Variants in PPP1R3B observed in about 807,000 individuals in gnomAD.
The protein encoded by PPP1R3B is protein phosphatase 1 regulatory subunit 3B, also known as PP1 subunit R4.
PPP1R3B carries 8 observed loss-of-function variants against 14.6 expected under a neutral mutation model. The observed-to-expected ratio is 0.55, with a 90% CI of 0.32 to 0.99. The LOEUF (loss-of-function observed/expected upper bound fraction) is 0.99, where lower values mean the gene tolerates loss of function less well. Ranked by LOEUF, PPP1R3B falls within the 50% of genes least tolerant of loss-of-function variation. The pLI is 0.04. For synonymous variants in PPP1R3B, 169 were observed against 142.0 expected (o/e 1.19, Z -1.35); for missense variants, 452 against 360.1 (o/e 1.26, Z -2.07).
At chr8:9,148,834 C>A (rs780558134) in intron 1 of PPP1R3B, among the ~76,000 whole-genome samples, 1 of 152,142 alleles carries the variant, frequency 6.6e-6, no homozygotes, top group Non-Finnish European at 1.5e-5. Flanking sequence ...TTTTTTGTAT[C>A]AGGGCCACGA....
In PPP1R3B at chr8:9,141,173, A is replaced by C. The variant is rs1563125089; in HGVS notation, c.479T>G (p.Val160Gly). 1 of 1,614,002 alleles carries C rather than the reference A, an allele frequency of 6.2e-7. No homozygotes were observed. Among genetic ancestry groups the C allele is most frequent in the East Asian group, 2.2e-5 (1 of 44,860 alleles). The change falls in exon 2 of 2, where the codon GTG (valine) becomes GGG (glycine). Residue 160 changes from valine (V) to glycine (G), a missense_variant. Physicochemically the swap from Val to Gly is moderately radical, Grantham distance 109. Coordinates refer to ENST00000310455, the MANE Select transcript of PPP1R3B (RefSeq NM_024607.4). Reference sequence around the variant, plus strand: ...GGTGTCGAACGTCATCCTTATTTTCACGGTCTTCTCAAATGCGAGGTTCTG... The same window carrying C: ...GGTGTCGAACGTCATCCTTATTTTCCCGGTCTTCTCAAATGCGAGGTTCTG... ...KVQNLAFEKT[V>G]KIRMTFDTWK...
intron 1 of PPP1R3B, among the ~76,000 whole-genome samples, chr8:9,149,487 G>C (rs1209796237): frequency 6.6e-6 from 1 of 152,196 alleles, no homozygotes; most frequent in African/African-American, 2.4e-5. Flanking sequence ...CTGGGCGACA[G>C]AGCGACACTC....
chr8:9,140,691 G>A lies in PPP1R3B; in HGVS notation c.*103C>T. 1 of 1,250,996 alleles carries A rather than the reference G, an allele frequency of 8.0e-7. No homozygotes were observed. Among genetic ancestry groups the A allele is most frequent in the South Asian group, 1.4e-5 (1 of 69,418 alleles). The allele number at this position is 1,250,996 out of a possible 1,614,324, so 77.5% of individuals were successfully genotyped here. A position where few individuals can be genotyped will look rare whatever the true frequency, so the allele number is the denominator to read the frequency against. ...TTTATTTTCCCAAACGGGGCCTCAT[G>A]GAAGTTCCACGTTGCTCCTCCCTGG... is the stretch of plus-strand genomic sequence containing the variant. On this transcript the variant is annotated 3_prime_UTR_variant, in exon 2 of 2. Coordinates refer to ENST00000310455, the MANE Select transcript of PPP1R3B (RefSeq NM_024607.4).
chr8:9,142,399 T>C (rs1801117447), intron 1 of PPP1R3B: 1 of 152,180 alleles, frequency 6.6e-6, no homozygotes, highest in Non-Finnish European at 1.5e-5. Flanking sequence ...CCTCTCTTTA[T>C]TAATTGAGAA....
At chr8:9,143,738 C>T (rs1418711697) in intron 1 of PPP1R3B, among the ~76,000 whole-genome samples, 3 of 152,102 alleles carry the variant, frequency 2.0e-5, no homozygotes, top group East Asian at 1.9e-4. Flanking sequence ...CCAGCAATTT[C>T]GTATTCTTAA....
intron 1 of PPP1R3B, among the ~76,000 whole-genome samples, chr8:9,144,344 T>C (rs1307579650): frequency 6.6e-6 from 1 of 151,574 alleles, no homozygotes; most frequent in Non-Finnish European, 1.5e-5. Flanking sequence ...TGAGCCACCA[T>C]GTCCGGCTAA....
At chr8:9,150,405 T>C (rs1801386240) in intron 1 of PPP1R3B, among the ~76,000 whole-genome samples, 158 bp downstream of exon 1, 1 of 152,198 alleles carries the variant, frequency 6.6e-6, no homozygotes, top group African/African-American at 2.4e-5. Flanking sequence ...ACACCCCTTT[T>C]TCTGGATTCC....
intron 1 of PPP1R3B, among the ~76,000 whole-genome samples, chr8:9,146,754 A>G (rs1033495427): frequency 2.1e-4 from 32 of 152,088 alleles, no homozygotes; most frequent in Non-Finnish European, 5.9e-5. Context: ...GCTTTCAATG[A>G]TCTGTTCTTA....
At chr8:9,149,162 C>G (rs1386146358) in intron 1 of PPP1R3B, among the ~76,000 whole-genome samples, 2 of 132,132 alleles carry the variant, frequency 1.5e-5, no homozygotes, top group Non-Finnish European at 1.6e-5. Context: ...CACTGCAGTC[C>G]AGCCTGGGCG....
rs906763115 is a variant in PPP1R3B, at chr8:9,143,634, G to A, written c.-17-1966C>T. Among the ~76,000 whole-genome samples the A allele has an allele frequency of 2.0e-5, 3 of 152,076 alleles. 1 individual carries two copies. The highest frequency in any genetic ancestry group is 4.1e-4 in the South Asian group (2 of 4,828). On this transcript the variant is annotated intron_variant, in intron 1 of 1. Coordinates refer to ENST00000310455, the MANE Select transcript of PPP1R3B (RefSeq NM_024607.4). ...GCAGAATTGCTTGAACCTGGGAGGC[G>A]GAGGTTGCAGTGTGCAGAGATCACA... is the stretch of plus-strand genomic sequence containing the variant.
At chr8:9,146,753 G>A (rs1002005998) in intron 1 of PPP1R3B, among the ~76,000 whole-genome samples, 32 of 152,008 alleles carry the variant, frequency 2.1e-4, no homozygotes, top group Non-Finnish European at 5.9e-5. Flanking sequence ...TGCTTTCAAT[G>A]ATCTGTTCTT....
At chr8:9,142,142 G>C (rs1229225232) in intron 1 of PPP1R3B, 1 of 161,334 alleles carries the variant, frequency 6.2e-6, no homozygotes, top group East Asian at 1.7e-4. Flanking sequence ...CTGTGCCCAG[G>C]CTGGAGCGCA....
chr8:9,144,983 T>C (rs926487485), intron 1 of PPP1R3B, among the ~76,000 whole-genome samples: 4 of 152,168 alleles, frequency 2.6e-5, no homozygotes, highest in African/African-American at 9.6e-5. Flanking sequence ...TGACCTCAGG[T>C]GATCCACCCG....
intron 1 of PPP1R3B, among the ~76,000 whole-genome samples, chr8:9,149,010 ACC>A (rs1321215217): frequency 1.4e-5 from 2 of 145,768 alleles, no homozygotes; most frequent in Non-Finnish European, 3.0e-5. Context: ...ACACGGTGAA[ACC>A]CCGTCTCTAC....
rs1322678767 is a variant in PPP1R3B at position 9,140,742 on chromosome 8, CAG to C, written c.*50_*51del. 2.5e-6 allele frequency: 4 copies of C among 1,585,840 alleles called. No individual in the cohort carries two copies. In the East Asian group the frequency reaches 9.0e-5, roughly 36 times the overall value. On this transcript the variant is annotated 3_prime_UTR_variant, in exon 2 of 2. Transcript: ENST00000310455. The stretch of plus-strand genomic sequence containing the variant: ...CCTTCCATCTCCACTGCACAGTGAG[CAG>C]AGCTAGGCTTGTCTGTGGCAGCTCC...
At chr8:9,142,018 C>CATAT (rs1177792478) in intron 1 of PPP1R3B, among the ~76,000 whole-genome samples, 1 of 152,138 alleles carries the variant, frequency 6.6e-6, no homozygotes, top group Non-Finnish European at 1.5e-5. Context: ...ATCAAAAGGG[C>CATAT]ATATATACTG....
intron 1 of PPP1R3B, among the ~76,000 whole-genome samples, chr8:9,145,702 C>T (rs1801221507): frequency 6.6e-6 from 1 of 152,104 alleles, no homozygotes; most frequent in South Asian, 2.1e-4. Context: ...TATTTAAAAT[C>T]AGAATACCTA....
chr8:9,140,683 G>C lies in PPP1R3B; in HGVS notation c.*111C>G. On this transcript the variant is annotated 3_prime_UTR_variant, in exon 2 of 2. Coordinates refer to ENST00000310455, the MANE Select transcript of PPP1R3B (RefSeq NM_024607.4). ...AGGATCCTTTTATTTTCCCAAACGG[G>C]GCCTCATGGAAGTTCCACGTTGCTC... The C allele has an allele frequency of 8.9e-7, 1 of 1,118,734 alleles. No homozygotes were observed. The highest frequency in any genetic ancestry group is 1.5e-5 in the South Asian group (1 of 65,308). 69.3% of individuals were successfully genotyped at this position (1,118,734 alleles called of 1,614,324 possible).
chr8:9,138,697 C>T lies in PPP1R3B; in HGVS notation c.*2097G>A, dbSNP rs1210123116. 3 of 152,182 alleles carry T rather than the reference C, an allele frequency of 2.0e-5. No individual in the cohort carries two copies. The highest frequency in any genetic ancestry group is 7.2e-5 in the African/African-American group (3 of 41,426). The allele number at this position is 152,182 out of a possible 1,614,324, so 9.4% of individuals were successfully genotyped here. A position where few individuals can be genotyped will look rare whatever the true frequency, so the allele number is the denominator to read the frequency against. On this transcript the variant is annotated 3_prime_UTR_variant, in exon 2 of 2. Coordinates refer to ENST00000310455, the MANE Select transcript of PPP1R3B (RefSeq NM_024607.4). ...AATCCAGGCAACTGTGCTTCCACTC[C>T]TCTTCTTGCTTGCCTTAGGAAAACT...
Sources: allele counts gnomAD v4.1 joint callset (sites outside exome capture counted in the v4.1 genomes callset), GRCh38; gene constraint gnomAD v4.1.1; transcripts MANE v1.5; gene names NCBI Gene and HGNC (gene_info 2026-07-23, HGNC 2026-07-21).